Variants in GRM8 observed in about 807,000 individuals in gnomAD.
GRM8 encodes the protein glutamate metabotropic receptor 8, also known as metabotropic glutamate receptor 8.
GRM8 carries 47 observed loss-of-function variants against 87.2 expected under a neutral mutation model. The observed-to-expected ratio is 0.54, with a 90% CI of 0.43 to 0.69. The LOEUF is 0.69. Among genes scored for constraint, GRM8 ranks in the 30% least tolerant of loss-of-function variants. The probability of loss-of-function intolerance (pLI) is 0.00; values close to 1 mark genes in which losing one functional copy is unlikely to be tolerated. For synonymous variants in GRM8, 396 were observed against 404.5 expected, an observed-to-expected ratio of 0.98 and a Z score of 0.25; for missense variants, 1,019 against 1,139.2, an observed-to-expected ratio of 0.89 and a Z score of 1.52.
At chr7:126,563,296 T>A (rs1048244040) in intron 8 of GRM8, among the ~76,000 whole-genome samples, 66 of 128,722 alleles carry the variant, frequency 5.1e-4, no homozygotes, top group African/African-American at 9.2e-4. Context: ...TGGTTTTTTT[T>A]TAAAAAAAAA....
chr7:126,705,831 T>G (rs1439008003), intron 7 of GRM8, among the ~76,000 whole-genome samples: 1 of 152,176 alleles, frequency 6.6e-6, no homozygotes, highest in Non-Finnish European at 1.5e-5. Flanking sequence ...TCTGAGCATA[T>G]TTATTCAGGA....
At chr7:126,866,008 T>A (rs1798560816) in intron 6 of GRM8, among the ~76,000 whole-genome samples, 1 of 152,194 alleles carries the variant, frequency 6.6e-6, no homozygotes, top group Admixed American at 6.5e-5. Context: ...TGCCAGACTG[T>A]TTTTCAAAGT....
intron 8 of GRM8, among the ~76,000 whole-genome samples, chr7:126,544,751 G>A (rs1467006600): frequency 3.3e-5 from 5 of 151,986 alleles, no homozygotes; most frequent in East Asian, 1.9e-4. Flanking sequence ...CTCATGATCC[G>A]CCCGCCTCGG....
At chr7:127,050,039 T>G (rs1294858989) in intron 3 of GRM8, among the ~76,000 whole-genome samples, 1 of 152,108 alleles carries the variant, frequency 6.6e-6, no homozygotes, top group Non-Finnish European at 1.5e-5. Context: ...TTGAGGACAA[T>G]GAGATGCCAC....
chr7:126,528,313 G>A (rs924611503), intron 9 of GRM8, among the ~76,000 whole-genome samples: 6 of 152,106 alleles, frequency 3.9e-5, no homozygotes, highest in Non-Finnish European at 8.8e-5. Flanking sequence ...CAATTACTTG[G>A]ATAAATCAAA....
chr7:126,537,740 G>A (rs768696459), intron 8 of GRM8, among the ~76,000 whole-genome samples: 30 of 152,008 alleles, frequency 2.0e-4, no homozygotes, highest in Non-Finnish European at 3.4e-4. Flanking sequence ...TCACGCCACC[G>A]CACTCCAGCC....
intron 10 of GRM8, among the ~76,000 whole-genome samples, chr7:126,442,967 T>C (rs933151194): frequency 4.6e-5 from 7 of 152,012 alleles, no homozygotes; most frequent in Admixed American, 4.6e-4. Context: ...AGAAGTATTA[T>C]AGAGCAAAAT....
intron 3 of GRM8, among the ~76,000 whole-genome samples, chr7:126,960,203 C>T (rs1056013754): frequency 5.3e-5 from 8 of 152,124 alleles, no homozygotes; most frequent in South Asian, 2.1e-4. Context: ...AAAAAGAAAT[C>T]TCCTGCAAAT....
At chr7:126,578,379 A>C (rs554940497) in intron 8 of GRM8, among the ~76,000 whole-genome samples, 1 of 152,318 alleles carries the variant, frequency 6.6e-6, no homozygotes, top group East Asian at 1.9e-4. Context: ...GAAGGATAAA[A>C]GATGGCAGAA....
chr7:126,756,152 T>A (rs1816984381), intron 7 of GRM8, among the ~76,000 whole-genome samples: 1 of 151,184 alleles, frequency 6.6e-6, no homozygotes. Flanking sequence ...AATCTCTAAG[T>A]GAAAAAAAAG....
chr7:127,239,728 C>T (rs1798177885), intron 2 of GRM8, among the ~76,000 whole-genome samples: 1 of 152,130 alleles, frequency 6.6e-6, no homozygotes, highest in Non-Finnish European at 1.5e-5. Context: ...ATCCCAATTG[C>T]TTTATAATTA....
chr7:127,016,137 C>A (rs541236320), intron 3 of GRM8, among the ~76,000 whole-genome samples: 1 of 151,994 alleles, frequency 6.6e-6, no homozygotes, highest in East Asian at 1.9e-4. Flanking sequence ...TTATTCTATC[C>A]TATTGGAAAA....
chr7:126,752,107 C>T (rs902598178), intron 7 of GRM8, among the ~76,000 whole-genome samples: 5 of 152,164 alleles, frequency 3.3e-5, no homozygotes, highest in South Asian at 2.1e-4. Context: ...AGAGCATTTA[C>T]TTTCCATTAA....
intron 9 of GRM8, among the ~76,000 whole-genome samples, 156 bp downstream of exon 9, chr7:126,532,796 T>C (rs1815054442): frequency 1.5e-5 from 1 of 66,672 alleles, no homozygotes; most frequent in African/African-American, 5.3e-5. Context: ...TATATATATA[T>C]ATATATATAT....
At chr7:126,595,362 C>T (rs941064594) in intron 8 of GRM8, among the ~76,000 whole-genome samples, 1 of 148,888 alleles carries the variant, frequency 6.7e-6, no homozygotes, top group Non-Finnish European at 1.5e-5. Flanking sequence ...ACCACCCCAG[C>T]TAATTCTGGT....
intron 2 of GRM8, among the ~76,000 whole-genome samples, chr7:127,183,095 T>C (rs1794557158): frequency 6.6e-6 from 1 of 151,908 alleles, no homozygotes; most frequent in Non-Finnish European, 1.5e-5. Flanking sequence ...AGTAAAGGGA[T>C]AGAGCACATA....
intron 9 of GRM8, among the ~76,000 whole-genome samples, chr7:126,473,328 A>G (rs568997819): frequency 1.3e-5 from 2 of 152,218 alleles, no homozygotes; most frequent in Non-Finnish European, 2.9e-5. Context: ...CATGACCTGG[A>G]TGTGAAACAT....
intron 8 of GRM8, among the ~76,000 whole-genome samples, chr7:126,537,051 C>G (rs1815858319): frequency 1.3e-5 from 2 of 152,060 alleles, no homozygotes; most frequent in Non-Finnish European, 2.9e-5. Context: ...TCATTATAAG[C>G]TAAATGTGAA....
At chr7:126,494,177 T>C (rs1808409021) in intron 9 of GRM8, among the ~76,000 whole-genome samples, 1 of 152,152 alleles carries the variant, frequency 6.6e-6, no homozygotes, top group Non-Finnish European at 1.5e-5. Flanking sequence ...GTGCAATTGG[T>C]TTAGAGTCTG....
Sources: allele counts gnomAD v4.1 joint callset (sites outside exome capture counted in the v4.1 genomes callset), GRCh38; gene constraint gnomAD v4.1.1; transcripts MANE v1.5; gene names NCBI Gene and HGNC (gene_info 2026-07-23, HGNC 2026-07-21).